Variants in CAMTA1 observed in about 807,000 individuals in gnomAD.
CAMTA1 encodes calmodulin-binding transcription activator 1.
A neutral mutation model predicts 170.9 loss-of-function variants in CAMTA1; 27 were observed. The ratio of observed to expected loss-of-function variants is 0.16; its 90% CI spans 0.12 to 0.22. CAMTA1 has a LOEUF of 0.22. CAMTA1 is among the 10% of genes least tolerant of loss of function. The pLI is 1.00. For synonymous variants in CAMTA1, 833 were observed against 891.5 expected, an observed-to-expected ratio of 0.93 and a Z score of 1.17; for missense variants, 1,619 against 2,217.2, an observed-to-expected ratio of 0.73 and a Z score of 5.42.
In CAMTA1 at chr1:7,736,402, G is replaced by A. The variant is rs780656893; in HGVS notation, c.3125G>A (p.Cys1042Tyr). 8.1e-6 allele frequency: 13 copies of A among 1,614,144 alleles called. No homozygotes were observed. Among genetic ancestry groups the A allele is most frequent in the Non-Finnish European group, 1.0e-5 (12 of 1,180,034 alleles). The change falls in exon 13 of 23, where the codon TGC becomes TAC. Residue 1042 changes from cysteine (C) to tyrosine (Y), a missense_variant. Around this residue, in one of 8 missense-constraint regions of CAMTA1, gnomAD observed 143 missense variants for 184.2 expected, o/e 0.78. Coordinates refer to ENST00000303635, the MANE Select transcript of CAMTA1 (RefSeq NM_015215.4). This position sits in a 1 kb window ranked among gnomAD's most constrained non-coding sequence, Gnocchi z 4.5. ...SCFESRVVVVCEKMMSRACWA... is the reference protein window; with the variant it reads ...SCFESRVVVVYEKMMSRACWA... The stretch of plus-strand genomic sequence containing the variant: ...TTTGAGAGCCGTGTGGTCGTGGTAT[G>A]CGAGAAGATGATGAGCCGAGCCTGC...
chr1:6,931,490 T>A, intron 3 of CAMTA1, among the ~76,000 whole-genome samples: 1 of 152,212 alleles, frequency 6.6e-6, no homozygotes, highest in East Asian at 1.9e-4. Flanking sequence ...GGCATTTTTT[T>A]AAAGAATCAC....
chr1:7,089,212 G>A (rs1641148742), intron 3 of CAMTA1, among the ~76,000 whole-genome samples: 1 of 152,162 alleles, frequency 6.6e-6, no homozygotes, highest in Non-Finnish European at 1.5e-5. Flanking sequence ...TGCCTCGTGA[G>A]CTGATAGTCT....
At chr1:7,479,896 GAT>G (rs1442144817) in intron 6 of CAMTA1, among the ~76,000 whole-genome samples, 1 of 151,258 alleles carries the variant, frequency 6.6e-6, no homozygotes, top group Non-Finnish European at 1.5e-5. Flanking sequence ...ACCCCTAGAA[GAT>G]ATATGTGTGT....
intron 1 of CAMTA1, among the ~76,000 whole-genome samples, chr1:6,810,499 G>A (rs1162150437): frequency 1.3e-5 from 2 of 152,178 alleles, no homozygotes; most frequent in African/African-American, 2.4e-5. Context: ...CTCCGGGGGA[G>A]GGGGTTACAC....
rs2094649526 is a variant in CAMTA1 at position 7,543,865 on chromosome 1, G to C, written c.510+75964G>C. The stretch of plus-strand genomic sequence containing the variant: ...TTTTTTTTTTTTCTGAACAGGAAAA[G>C]GGTTAAAGCAACAGCTCTTGGCAGA... On this transcript the variant is annotated intron_variant, in intron 6 of 22. Coordinates refer to ENST00000303635, the MANE Select transcript of CAMTA1 (RefSeq NM_015215.4). Among the ~76,000 whole-genome samples the C allele has an allele frequency of 7.9e-5, 12 of 152,046 alleles. No individual in the cohort carries two copies. In the South Asian group the frequency reaches 2.3e-3, roughly 29 times the overall value.
intron 5 of CAMTA1, among the ~76,000 whole-genome samples, chr1:7,349,402 ATC>A (rs1467724753): frequency 1.3e-5 from 2 of 152,260 alleles, no homozygotes; most frequent in African/African-American, 4.8e-5. Flanking sequence ...CTCCCTGCAC[ATC>A]TCTGTCCCTC....
At chr1:6,876,108 A>AG (rs1043669815) in intron 3 of CAMTA1, among the ~76,000 whole-genome samples, 5 of 152,218 alleles carry the variant, frequency 3.3e-5, no homozygotes, top group African/African-American at 1.2e-4. Context: ...GAATTTAGTT[A>AG]GAGTGAAATG....
At chr1:7,627,262 C>T (rs955003077) in intron 6 of CAMTA1, among the ~76,000 whole-genome samples, 22 of 152,258 alleles carry the variant, frequency 1.4e-4, no homozygotes, top group African/African-American at 4.3e-4. Flanking sequence ...GATGCTTCCT[C>T]GATGTTTGAA....
chr1:7,053,859 T>C (rs11120825), intron 3 of CAMTA1, among the ~76,000 whole-genome samples: 1 of 152,172 alleles, frequency 6.6e-6, no homozygotes, highest in Non-Finnish European at 1.5e-5. Flanking sequence ...AGTGAATGAA[T>C]GCTGCGTGGA....
In CAMTA1 at chr1:7,091,136, TA is replaced by T. The variant is rs747585161; in HGVS notation, c.235-162del. ...TGTGACAGGTTGAATGGAAAGGCCT[TA>T]AAAAATCAAAATAGAAACAGAGTCC... On this transcript the variant is annotated intron_variant, in intron 3 of 22. Coordinates refer to ENST00000303635, the MANE Select transcript of CAMTA1 (RefSeq NM_015215.4). Among the ~76,000 whole-genome samples the T allele has an allele frequency of 1.9e-4, 29 of 152,208 alleles. 1 individual carries two copies. The highest frequency in any genetic ancestry group is 2.6e-4 in the Admixed American group (4 of 15,282).
rs1270441747 is a variant in CAMTA1 at position 7,664,482 on chromosome 1, C to T, written c.1935C>T (p.Pro645=). 1.9e-6 allele frequency: 3 copies of T among 1,613,334 alleles called. No homozygotes were observed. Among genetic ancestry groups the T allele is most frequent in the Non-Finnish European group, 2.5e-6 (3 of 1,180,040 alleles). Residue 645 remains proline, a synonymous_variant, in exon 9 of 23, where the codon CCC becomes CCT. Coordinates refer to ENST00000303635, the MANE Select transcript of CAMTA1 (RefSeq NM_015215.4). The part of the protein sequence containing the change: ...LSDSGGTFVM[P]TVKTEASSQT... ...ACTCTGGGGGCACCTTCGTGATGCC[C>T]ACGGTGAAAACGGAGGCCTCGTCCC...
chr1:7,661,883 G>A lies in CAMTA1; in HGVS notation c.805+17G>A, dbSNP rs757236182. ...GCAGCCTGGGTGAGCCGGGGCTCCC[G>A]GGGCAGGCGGGCGCCACGGGGACAG... On this transcript the variant is annotated intron_variant, in intron 8 of 22. Coordinates refer to ENST00000303635, the MANE Select transcript of CAMTA1 (RefSeq NM_015215.4). 93 of 1,590,300 alleles carry A rather than the reference G, an allele frequency of 5.8e-5. No homozygotes were observed. Among genetic ancestry groups the A allele is most frequent in the African/African-American group, 5.2e-4 (39 of 74,534 alleles).
At chr1:7,370,447 C>T (rs1032011565) in intron 5 of CAMTA1, among the ~76,000 whole-genome samples, 2 of 152,150 alleles carry the variant, frequency 1.3e-5, no homozygotes, top group African/African-American at 4.8e-5. Flanking sequence ...TACATTTGAA[C>T]CCAAGGGTTT....
At chr1:7,161,216 C>T (rs1458081634) in intron 4 of CAMTA1, among the ~76,000 whole-genome samples, 1 of 152,216 alleles carries the variant, frequency 6.6e-6, no homozygotes, top group African/African-American at 2.4e-5. Flanking sequence ...TCCCCACATT[C>T]CTTTCATCTC....
chr1:6,960,583 ACTC>A (rs1690219736), intron 3 of CAMTA1, among the ~76,000 whole-genome samples: 1 of 151,648 alleles, frequency 6.6e-6, no homozygotes, highest in Non-Finnish European at 1.5e-5. Flanking sequence ...AAAATTAATC[ACTC>A]CTCCTCCATG....
intron 4 of CAMTA1, among the ~76,000 whole-genome samples, chr1:7,198,663 A>G (rs1237201034): frequency 1.3e-5 from 2 of 151,522 alleles, no homozygotes; most frequent in African/African-American, 4.9e-5. Context: ...GGCAGCTTCC[A>G]CCTCTAGGAC....
At chr1:7,594,117 G>GAAAGAAAGAAAGAAAGAAAGAAAGAA (rs572409468) in intron 6 of CAMTA1, among the ~76,000 whole-genome samples, 4 of 130,720 alleles carry the variant, frequency 3.1e-5, no homozygotes, top group African/African-American at 1.1e-4. Flanking sequence ...GAAAGAAAGA[G>GAAAGAAAGAAAGAAAGAAAGAAAGAA]AGAAAGAAAG....
chr1:7,457,719 T>A (rs1395208290), intron 5 of CAMTA1, among the ~76,000 whole-genome samples: 1 of 152,168 alleles, frequency 6.6e-6, no homozygotes, highest in East Asian at 1.9e-4. Context: ...TGTCCCTCTC[T>A]CCATGACCCC....
chr1:7,148,259 GCA>G (rs1646354734), intron 4 of CAMTA1, among the ~76,000 whole-genome samples: 1 of 150,788 alleles, frequency 6.6e-6, no homozygotes, highest in Non-Finnish European at 1.5e-5. Context: ...CATACACCAT[GCA>G]CACACACAAA....
Sources: allele counts gnomAD v4.1 joint callset (sites outside exome capture counted in the v4.1 genomes callset), GRCh38; gene constraint gnomAD v4.1.1; regional missense constraint gnomAD v4.1.1; non-coding constraint Gnocchi (gnomAD v3.1); transcripts MANE v1.5; gene names NCBI Gene and HGNC (gene_info 2026-07-23, HGNC 2026-07-21).